Variants in NF1 observed in about 807,000 individuals in gnomAD.
NF1 encodes neurofibromin.
In NF1, 122 loss-of-function variants were observed where a neutral mutation model predicts 325.7. That is an observed-to-expected ratio of 0.37 (90% CI 0.32 to 0.44). The LOEUF (loss-of-function observed/expected upper bound fraction) is 0.44. NF1 is among the 20% of genes least tolerant of loss of function. The pLI is 1.00. For synonymous variants in NF1, 1,091 were observed against 1,186.0 expected, an observed-to-expected ratio of 0.92 and a Z score of 1.65; for missense variants, 2,140 against 3,415.4, an observed-to-expected ratio of 0.63 and a Z score of 9.31.
chr17:31,370,592 C>T (rs1403982994), intron 57 of NF1, among the ~76,000 whole-genome samples: 1 of 152,082 alleles, frequency 6.6e-6, no homozygotes, highest in Non-Finnish European at 1.5e-5. Context: ...TTTGAAGATA[C>T]CTTCACCCTA....
chr17:31,310,681 T>C (rs911388245), intron 36 of NF1, among the ~76,000 whole-genome samples: 8 of 152,096 alleles, frequency 5.3e-5, no homozygotes, highest in African/African-American at 1.9e-4. Context: ...CTAGCAATTA[T>C]TCCAAAGAAC....
rs117801991 is a variant in NF1, at chr17:31,108,797, C to T, written c.60+13428C>T. Reference sequence around the variant, plus strand: ...CAGAAGACTTGACTTTAAGTCTTAACTTTCTACTGGAATGAGTTAACAGGG... The same window carrying T: ...CAGAAGACTTGACTTTAAGTCTTAATTTTCTACTGGAATGAGTTAACAGGG... On this transcript the variant is annotated intron_variant, in intron 1 of 57. Coordinates refer to ENST00000358273, the MANE Select transcript of NF1 (RefSeq NM_001042492.3). 2.6e-3 allele frequency among the ~76,000 whole-genome samples: 399 copies of T among 152,252 alleles called. 3 individuals are homozygous for T. Among genetic ancestry groups the T allele is most frequent in the Non-Finnish European group, 4.6e-3 (315 of 68,024 alleles).
chr17:31,138,772 C>G (rs1038150472), intron 1 of NF1, among the ~76,000 whole-genome samples: 2 of 148,402 alleles, frequency 1.3e-5, no homozygotes, highest in Non-Finnish European at 3.0e-5. Flanking sequence ...TTAGTAGAGA[C>G]GGGGTTTCAC....
chr17:31,106,788 T>G (rs1445680191), intron 1 of NF1, among the ~76,000 whole-genome samples: 1 of 152,202 alleles, frequency 6.6e-6, no homozygotes, highest in Non-Finnish European at 1.5e-5. Context: ...TGTTTCCCTT[T>G]TATTTAGTTA....
At chr17:31,338,940 CTTAAAG>C in intron 46 of NF1, 135 bp downstream of exon 46, 1 of 665,194 alleles carries the variant, frequency 1.5e-6, no homozygotes, top group African/African-American at 1.8e-5. Flanking sequence ...AGTAGAACCT[CTTAAAG>C]TTTAGTTGTT....
intron 48 of NF1, chr17:31,345,469 G>A: frequency 2.8e-6 from 4 of 1,441,694 alleles, no homozygotes; most frequent in South Asian, 2.9e-5. Flanking sequence ...GCTCCCTCCG[G>A]GGCCGCGGTC....
chr17:31,238,931 C>T (rs111436733), intron 29 of NF1, among the ~76,000 whole-genome samples: 5,450 of 152,296 alleles, frequency 0.036, 152 homozygotes, highest in Middle Eastern at 0.065. Flanking sequence ...GAACATTAAA[C>T]ATAACCTAAC....
intron 5 of NF1, among the ~76,000 whole-genome samples, chr17:31,176,559 G>A (rs564652899): frequency 8.6e-4 from 131 of 152,274 alleles, no homozygotes; most frequent in African/African-American, 3.0e-3. Context: ...TGCTTTTGGT[G>A]TTTCAGTCAT....
chr17:31,334,956 G>A lies in NF1; in HGVS notation c.5931G>A (p.Lys1977=), dbSNP rs786201672. The A allele has an allele frequency of 1.9e-6, 3 of 1,613,596 alleles. No homozygotes were observed. Among genetic ancestry groups the A allele is most frequent in the South Asian group, 1.1e-5 (1 of 91,056 alleles). ...KRQRVTAILD[K]LITMTINEKQ... ...AAAGAGTTACTGCTATTCTTGACAA[G>A]CTGATAACAATGACCATCAATGAAA... is the stretch of plus-strand genomic sequence containing the variant. Residue 1977 remains lysine, a synonymous_variant, in exon 40 of 58, where the codon AAG becomes AAA. Transcript: ENST00000358273.
At chr17:31,184,180 G>A (rs1486325424) in intron 8 of NF1, among the ~76,000 whole-genome samples, 1 of 152,136 alleles carries the variant, frequency 6.6e-6, no homozygotes, top group Non-Finnish European at 1.5e-5. Context: ...AGTCGTTGCT[G>A]TGAACTGTTT....
At chr17:31,205,026 C>T (rs2066595471) in intron 11 of NF1, among the ~76,000 whole-genome samples, 1 of 152,110 alleles carries the variant, frequency 6.6e-6, no homozygotes, top group Non-Finnish European at 1.5e-5. Flanking sequence ...CCCAAAAAAG[C>T]ATTTCTTCCC....
In NF1 at chr17:31,351,389, A is replaced by G. The variant is rs187883637; in HGVS notation, c.7458-868A>G. 1.8e-3 allele frequency among the ~76,000 whole-genome samples: 269 copies of G among 152,246 alleles called. 1 individual carries two copies. The highest frequency in any genetic ancestry group is 6.8e-3 in the Middle Eastern group (2 of 294). On this transcript the variant is annotated intron_variant, in intron 50 of 57. Transcript: ENST00000358273. Reference sequence around the variant, plus strand: ...ATTTGCTTGATTTAGCCATTCTACAATGTAAACATTTTATTTATTTTTATT... The same window carrying G: ...ATTTGCTTGATTTAGCCATTCTACAGTGTAAACATTTTATTTATTTTTATT...
At chr17:31,268,519 C>G (rs180951141) in intron 36 of NF1, among the ~76,000 whole-genome samples, 1 of 150,034 alleles carries the variant, frequency 6.7e-6, no homozygotes, top group African/African-American at 2.5e-5. Flanking sequence ...CCCAGCTACT[C>G]GGGAGGCTGA....
chr17:31,132,812 G>A (rs1027938531), intron 1 of NF1, among the ~76,000 whole-genome samples: 1 of 151,660 alleles, frequency 6.6e-6, no homozygotes, highest in Non-Finnish European at 1.5e-5. Context: ...GATTACAGGC[G>A]CTCGCCACCA....
Position 31,377,108 on chromosome 17 carries a change from G to A in NF1, c.*2953G>A, listed in dbSNP as rs2070743002. The A allele has an allele frequency of 4.3e-6, 1 of 233,508 alleles. No homozygotes were observed. The highest frequency in any genetic ancestry group is 2.2e-5 in the African/African-American group (1 of 45,396). The allele number at this position is 233,508 out of a possible 1,614,324, so 14.5% of individuals were successfully genotyped here. A position where few individuals can be genotyped will look rare whatever the true frequency, so the allele number is the denominator to read the frequency against. On this transcript the variant is annotated 3_prime_UTR_variant, in exon 58 of 58. Coordinates refer to ENST00000358273, the MANE Select transcript of NF1 (RefSeq NM_001042492.3). ...TCCTTCCCCGACTCCCAGGCATAATGAGGCATGTCTTACTCAATGTTATGC... is the reference window on the plus strand; with the variant it reads ...TCCTTCCCCGACTCCCAGGCATAATAAGGCATGTCTTACTCAATGTTATGC...
chr17:31,318,948 A>G, intron 36 of NF1: 1 of 1,613,812 alleles, frequency 6.2e-7, no homozygotes, highest in South Asian at 1.1e-5. Flanking sequence ...GAGACAAAGA[A>G]AAAACTGTTG....
chr17:31,248,925 T>A (rs2151451183), intron 29 of NF1, 59 bp from the exon 30 acceptor site: 1 of 1,562,076 alleles, frequency 6.4e-7, no homozygotes, highest in Non-Finnish European at 8.8e-7. Context: ...TTTTAAGGAG[T>A]GATTTTTGTT....
chr17:31,367,675 A>C (rs2070553801), intron 57 of NF1, among the ~76,000 whole-genome samples: 1 of 152,174 alleles, frequency 6.6e-6, no homozygotes, highest in African/African-American at 2.4e-5. Context: ...TCAGAAATTA[A>C]AGCTGGCTGT....
At chr17:31,339,853 A>C (rs1023233855) in intron 46 of NF1, among the ~76,000 whole-genome samples, 1 of 152,210 alleles carries the variant, frequency 6.6e-6, no homozygotes, top group East Asian at 1.9e-4. Flanking sequence ...GTTAAAGGGA[A>C]ACATAGGAGT....
Sources: allele counts gnomAD v4.1 joint callset (sites outside exome capture counted in the v4.1 genomes callset), GRCh38; gene constraint gnomAD v4.1.1; transcripts MANE v1.5; gene names NCBI Gene and HGNC (gene_info 2026-07-23, HGNC 2026-07-21).